The following TLL2 variants were observed in gnomAD, a reference collection of about 807,000 sequenced individuals.
TLL2 encodes the protein tolloid-like protein 2.
A neutral mutation model predicts 123.0 loss-of-function variants in TLL2; 106 were observed. The ratio of observed to expected loss-of-function variants is 0.86; its 90% confidence interval spans 0.74 to 1.01. The LOEUF (loss-of-function observed/expected upper bound fraction) is 1.01. TLL2 is among the 50% of genes least tolerant of loss of function. The pLI is 0.00. For synonymous variants in TLL2, 494 were observed against 516.8 expected (o/e 0.96, Z 0.60); for missense variants, 1,332 against 1,336.7 (o/e 1.00, Z 0.06).
chr10:96,459,705 A>AAT (rs59654947), intron 2 of TLL2, among the ~76,000 whole-genome samples: 553 of 38,000 alleles, frequency 0.015, 18 homozygotes, highest in African/African-American at 0.044. Context: ...AAAAAAAAAA[A>AAT]ATATATATAT....
rs570304329 is a variant in TLL2, at chr10:96,463,411, C to T, written c.286+16938G>A. ...GCAGGTAGTCAGGTATCGGGAAGGA[C>T]CTGAAGCTGGGGCTCATGACCTGTG... On this transcript the variant is annotated intron_variant, in intron 2 of 20. Coordinates refer to ENST00000357947, the MANE Select transcript of TLL2 (RefSeq NM_012465.4). Among the ~76,000 whole-genome samples, 230 of 151,986 alleles carry T rather than the reference C, an allele frequency of 1.5e-3. 2 individuals are homozygous for T. The highest frequency in any genetic ancestry group is 2.9e-3 in the Non-Finnish European group (195 of 68,022).
At chr10:96,475,014 G>A (rs1005611831) in intron 2 of TLL2, among the ~76,000 whole-genome samples, 1 of 152,150 alleles carries the variant, frequency 6.6e-6, no homozygotes, top group Non-Finnish European at 1.5e-5. Flanking sequence ...CCTAAATCCA[G>A]GAGGATCTCA....
intron 5 of TLL2, among the ~76,000 whole-genome samples, chr10:96,423,164 C>CAGAAGTG (rs1439428606): frequency 6.6e-6 from 1 of 150,750 alleles, no homozygotes; most frequent in Non-Finnish European, 1.5e-5. Context: ...AACAGAATTT[C>CAGAAGTG]AGAAGTGAAA....
Position 96,368,201 on chromosome 10 carries a change from C to T in TLL2, c.2935G>A (p.Ala979Thr), listed in dbSNP as rs760889468. Residue 979 changes from alanine to threonine, a missense_variant, in exon 21 of 21, where the codon GCA becomes ACA. Physicochemically the swap from Ala to Thr is moderately conservative, Grantham distance 58. Transcript: ENST00000357947. ...GSGPLEEIYS[A>T]GDSLMIRFRT... ...AATCGAATCATCAGGGAATCACCTG[C>T]AGAGTAGATTTCTTCTAATGGCTGA... 63 of 1,613,964 alleles carry T rather than the reference C, an allele frequency of 3.9e-5. No homozygotes were observed. The highest frequency in any genetic ancestry group is 5.2e-5 in the Non-Finnish European group (61 of 1,180,026).
At chr10:96,383,191 CT>C (rs1189440353) in intron 16 of TLL2, among the ~76,000 whole-genome samples, 1 of 152,148 alleles carries the variant, frequency 6.6e-6, no homozygotes, top group Non-Finnish European at 1.5e-5. Context: ...GGAGAATGGG[CT>C]TTTTCTACAG....
chr10:96,409,849 T>C (rs1012724959), intron 9 of TLL2, among the ~76,000 whole-genome samples: 1 of 152,208 alleles, frequency 6.6e-6, no homozygotes, highest in Non-Finnish European at 1.5e-5. Context: ...TTCTTGAGTA[T>C]AGACTGCATG....
At chr10:96,500,007 A>G (rs942669157) in intron 1 of TLL2, among the ~76,000 whole-genome samples, 8 of 151,952 alleles carry the variant, frequency 5.3e-5, no homozygotes, top group South Asian at 2.1e-4. Context: ...TTAGCTGGGT[A>G]CGATGCCTCA....
intron 2 of TLL2, among the ~76,000 whole-genome samples, chr10:96,459,689 AAAAAAAAAAAAAAAAAATATATAT>A (rs1564911522): frequency 3.7e-5 from 2 of 54,468 alleles, no homozygotes; most frequent in African/African-American, 1.3e-4. Context: ...AAAAAAAAAA[AAAAAAAAAAAAAAAAAATATATAT>A]ATATATATAT....
At chr10:96,456,205 C>T (rs961257525) in intron 2 of TLL2, among the ~76,000 whole-genome samples, 6 of 152,156 alleles carry the variant, frequency 3.9e-5, no homozygotes, top group Non-Finnish European at 8.8e-5. Context: ...CCTCAATCCT[C>T]GATAGCAAAT....
At chr10:96,413,943 C>T (rs1199743322) in intron 7 of TLL2, among the ~76,000 whole-genome samples, 6 of 152,152 alleles carry the variant, frequency 3.9e-5, no homozygotes, top group African/African-American at 1.4e-4. Flanking sequence ...CTCTCTGAGC[C>T]TCTCTAAGTC....
intron 8 of TLL2, among the ~76,000 whole-genome samples, chr10:96,410,980 G>A (rs767738087): frequency 6.6e-5 from 10 of 152,106 alleles, no homozygotes; most frequent in Non-Finnish European, 1.0e-4. Context: ...GGTGGCTCAC[G>A]CCTGTAATCT....
intron 1 of TLL2, among the ~76,000 whole-genome samples, chr10:96,491,251 G>A (rs1331379799): frequency 1.3e-5 from 2 of 151,862 alleles, no homozygotes; most frequent in Non-Finnish European, 2.9e-5. Flanking sequence ...GCGTGGTGGC[G>A]GGCATCTGTA....
At chr10:96,385,312 A>T (rs1846223554) in intron 15 of TLL2, among the ~76,000 whole-genome samples, 1 of 152,204 alleles carries the variant, frequency 6.6e-6, no homozygotes, top group Non-Finnish European at 1.5e-5. Flanking sequence ...GATTTTTCTC[A>T]AAAAGAACTT....
At chr10:96,416,424 A>G (rs1483260465) in intron 7 of TLL2, among the ~76,000 whole-genome samples, 1 of 151,890 alleles carries the variant, frequency 6.6e-6, no homozygotes, top group Admixed American at 6.6e-5. Flanking sequence ...TCTTCATAAC[A>G]CCCTAGGAGT....
intron 1 of TLL2, among the ~76,000 whole-genome samples, chr10:96,509,864 G>A (rs867615879): frequency 2.0e-5 from 3 of 152,162 alleles, no homozygotes; most frequent in Non-Finnish European, 2.9e-5. Context: ...GGAGAATGGC[G>A]TGAACCCGGG....
intron 7 of TLL2, among the ~76,000 whole-genome samples, chr10:96,415,259 A>G (rs1309678470): frequency 6.6e-6 from 1 of 152,218 alleles, no homozygotes. Context: ...GTAGGCCTCA[A>G]ATATGCCCTT....
chr10:96,463,968 GA>G (rs1847105500), intron 2 of TLL2, among the ~76,000 whole-genome samples: 1 of 152,208 alleles, frequency 6.6e-6, no homozygotes, highest in African/African-American at 2.4e-5. Context: ...AAGAAACGAA[GA>G]GAGGAACAAA....
At chr10:96,377,062 A>G (rs572317902) in intron 17 of TLL2, among the ~76,000 whole-genome samples, 1 of 152,104 alleles carries the variant, frequency 6.6e-6, no homozygotes, top group South Asian at 2.1e-4. Context: ...TCCTATCCAC[A>G]TTGCAGTTAT....
rs529531988 is a variant in TLL2 at position 96,451,125 on chromosome 10, C to G, written c.287-4957G>C. Among the ~76,000 whole-genome samples the G allele has an allele frequency of 5.3e-5, 8 of 152,274 alleles. No homozygotes were observed. In the South Asian group the frequency reaches 1.4e-3, roughly 28 times the overall value. On this transcript the variant is annotated intron_variant, in intron 2 of 20. Transcript: ENST00000357947. Reference sequence around the variant, plus strand: ...ATGGGCCCGGCTGAAATGTTTCTATCCAGCATTTGCAATTCAATCCCACAG... The same window carrying G: ...ATGGGCCCGGCTGAAATGTTTCTATGCAGCATTTGCAATTCAATCCCACAG...
Sources: allele counts gnomAD v4.1 joint callset (sites outside exome capture counted in the v4.1 genomes callset), GRCh38; gene constraint gnomAD v4.1.1; transcripts MANE v1.5; gene names NCBI Gene and HGNC (gene_info 2026-07-23, HGNC 2026-07-21).